The following SDCCAG8 variants were observed in gnomAD, a reference collection of about 807,000 sequenced individuals.
SDCCAG8 encodes serologically defined colon cancer antigen 8.
In SDCCAG8, 74 loss-of-function variants were observed where a neutral mutation model predicts 101.8. The ratio of observed to expected loss-of-function variants is 0.73; its 90% CI spans 0.60 to 0.88. The LOEUF is 0.88. SDCCAG8 is among the 40% of genes least tolerant of loss of function. The pLI is 0.00. For missense variants in SDCCAG8, 787 were observed against 822.6 expected (o/e 0.96, Z 0.53); for synonymous variants, 281 against 292.9 (o/e 0.96, Z 0.41).
At chr1:243,401,612 T>C (rs781451568) in intron 13 of SDCCAG8, among the ~76,000 whole-genome samples, 3 of 152,216 alleles carry the variant, frequency 2.0e-5, no homozygotes, top group Non-Finnish European at 4.4e-5. Context: ...GGTACATAAC[T>C]GAACATTTTA....
chr1:243,294,576 C>A (rs193056796), intron 6 of SDCCAG8, among the ~76,000 whole-genome samples: 1 of 142,668 alleles, frequency 7.0e-6, no homozygotes, highest in Non-Finnish European at 1.5e-5. Flanking sequence ...CTGGGACATT[C>A]TTTTCCCATT....
chr1:243,438,516 T>TTGTG lies in SDCCAG8; in HGVS notation c.1985+11984_1985+11987dup, dbSNP rs147959124. Among the ~76,000 whole-genome samples the TTGTG allele has an allele frequency of 4.2e-3, 622 of 146,510 alleles. 1 individual carries two copies. The highest frequency in any genetic ancestry group is 5.4e-3 in the Non-Finnish European group (359 of 65,984). On this transcript the variant is annotated intron_variant, in intron 16 of 17. Coordinates refer to ENST00000366541, the MANE Select transcript of SDCCAG8 (RefSeq NM_006642.5). ...TTGCCCATTGTTAGAGTGGGAGTGATTGTGTGTGTGTGTGTGTGTGTGTGT... is the reference window on the plus strand; with the variant it reads ...TTGCCCATTGTTAGAGTGGGAGTGATTGTGTGTGTGTGTGTGTGTGTGTGTGTGT...
At chr1:243,340,919 C>A (rs2075346201) in intron 10 of SDCCAG8, 120 bp from the exon 11 acceptor site, 3 of 1,001,752 alleles carry the variant, frequency 3.0e-6, no homozygotes, top group Admixed American at 1.8e-5. Flanking sequence ...CATACCCAAT[C>A]CACAGAGAAA....
At chr1:243,411,107 ATT>A (rs1454422283) in intron 13 of SDCCAG8, among the ~76,000 whole-genome samples, 1 of 151,896 alleles carries the variant, frequency 6.6e-6, no homozygotes, top group Non-Finnish European at 1.5e-5. Context: ...TAATTTATTT[ATT>A]TTTATTTATT....
At chr1:243,441,470 A>C (rs1200339986) in intron 16 of SDCCAG8, among the ~76,000 whole-genome samples, 1 of 150,670 alleles carries the variant, frequency 6.6e-6, no homozygotes, top group Non-Finnish European at 1.5e-5. Context: ...CATTTCTAGA[A>C]TACTCTCTTC....
chr1:243,433,820 T>C (rs774284454), intron 16 of SDCCAG8, among the ~76,000 whole-genome samples: 17 of 152,208 alleles, frequency 1.1e-4, no homozygotes, highest in Middle Eastern at 3.2e-3. Flanking sequence ...TCAATTCTTA[T>C]GGACAGTTTC....
At chr1:243,344,738 G>A (rs2147792503) in intron 12 of SDCCAG8, among the ~76,000 whole-genome samples, 1 of 152,314 alleles carries the variant, frequency 6.6e-6, no homozygotes, top group South Asian at 2.1e-4. Context: ...ATGTAAATAT[G>A]TCAATCAAAT....
intron 4 of SDCCAG8, 150 bp from the exon 5 acceptor site, chr1:243,286,122 G>A: frequency 1.2e-6 from 1 of 816,678 alleles, no homozygotes; most frequent in Non-Finnish European, 2.0e-6. Flanking sequence ...GCTAATGTTA[G>A]GCTGCCTTGT....
chr1:243,353,060 C>G (rs1403467692), intron 12 of SDCCAG8, among the ~76,000 whole-genome samples: 1 of 152,074 alleles, frequency 6.6e-6, no homozygotes, highest in Non-Finnish European at 1.5e-5. Context: ...TAGCTATAAT[C>G]AATTTCTGTC....
rs1048999172 is a variant in SDCCAG8 at position 243,283,842 on chromosome 1, G to A, written c.421-2430G>A. 2.0e-5 allele frequency among the ~76,000 whole-genome samples: 3 copies of A among 152,162 alleles called. 1 individual carries two copies. Among genetic ancestry groups the A allele is most frequent in the African/African-American group, 7.2e-5 (3 of 41,436 alleles). On this transcript the variant is annotated intron_variant, in intron 4 of 17. Coordinates refer to ENST00000366541, the MANE Select transcript of SDCCAG8 (RefSeq NM_006642.5). ...TGCAACCTCTGCCTCCTGGGTTCAA[G>A]TGATTCTCCTGCCTCAGCCTCCCGA...
intron 1 of SDCCAG8, among the ~76,000 whole-genome samples, chr1:243,256,733 A>G (rs1459860481): frequency 6.6e-6 from 1 of 152,182 alleles, no homozygotes; most frequent in East Asian, 1.9e-4. Context: ...GCTTACACCA[A>G]TCGTGTGAAT....
chr1:243,270,002 C>T (rs896123900), intron 1 of SDCCAG8, 103 bp from the exon 2 acceptor site: 76 of 1,507,406 alleles, frequency 5.0e-5, no homozygotes, highest in South Asian at 1.8e-4. Context: ...CCATAAAGTA[C>T]GAGAAATAAT....
chr1:243,367,007 T>C (rs1176913320), intron 12 of SDCCAG8, among the ~76,000 whole-genome samples: 1 of 152,124 alleles, frequency 6.6e-6, no homozygotes, highest in Non-Finnish European at 1.5e-5. Flanking sequence ...AAATTAACAG[T>C]TTGCTTTCCT....
chr1:243,347,884 G>C (rs2147803212), intron 12 of SDCCAG8, among the ~76,000 whole-genome samples: 1 of 152,218 alleles, frequency 6.6e-6, no homozygotes, highest in East Asian at 1.9e-4. Flanking sequence ...CCAGTGCAAA[G>C]TGAAAATACA....
rs2068039930 is a variant in SDCCAG8, at chr1:243,271,028, G to A, written c.271G>A (p.Val91Ile). 1.2e-6 allele frequency: 2 copies of A among 1,613,456 alleles called. No individual in the cohort carries two copies. The highest frequency in any genetic ancestry group is 4.5e-5 in the East Asian group (2 of 44,794). Residue 91 changes from valine (V) to isoleucine (I), a missense_variant, in exon 3 of 18, where the codon GTA becomes ATA. Coordinates refer to ENST00000366541, the MANE Select transcript of SDCCAG8 (RefSeq NM_006642.5). Reference sequence around the variant, plus strand: ...CCAACAAGCAGATAAGGAAAGTGAAGTATCTCCGTCAAGAAGAAGAAAAAT... The same window carrying A: ...CCAACAAGCAGATAAGGAAAGTGAAATATCTCCGTCAAGAAGAAGAAAAAT... The part of the protein sequence containing the change: ...LRQQADKESE[V>I]SPSRRRKMSP...
At chr1:243,431,500 C>T (rs1482144188) in intron 16 of SDCCAG8, among the ~76,000 whole-genome samples, 3 of 151,890 alleles carry the variant, frequency 2.0e-5, no homozygotes, top group Non-Finnish European at 4.4e-5. Flanking sequence ...TGAGATCAAG[C>T]GTTACGTTTT....
intron 14 of SDCCAG8, 129 bp from the exon 15 acceptor site, chr1:243,417,839 T>C (rs2080704066): frequency 2.8e-6 from 2 of 715,648 alleles, no homozygotes; most frequent in Non-Finnish European, 5.1e-6. Context: ...ACTTAGGACA[T>C]TGAAGGTGAT....
At chr1:243,279,067 A>T (rs1248529822) in intron 4 of SDCCAG8, among the ~76,000 whole-genome samples, 1 of 152,216 alleles carries the variant, frequency 6.6e-6, no homozygotes, top group Non-Finnish European at 1.5e-5. Flanking sequence ...TTGAGATTAC[A>T]GGCTTTAGCA....
intron 16 of SDCCAG8, among the ~76,000 whole-genome samples, chr1:243,449,845 G>C (rs2083222113): frequency 1.3e-5 from 2 of 152,212 alleles, no homozygotes; most frequent in African/African-American, 4.8e-5. Flanking sequence ...AACTCGGGCA[G>C]TCCCTTGGCC....
Sources: gnomAD v4.1 joint callset for allele counts (sites outside exome capture counted in the v4.1 genomes callset) on GRCh38, gnomAD v4.1.1 for gene constraint, MANE v1.5 for transcripts, NCBI Gene and HGNC (gene_info 2026-07-23, HGNC 2026-07-21) for gene names.